Variants in ROBO1 observed in about 807,000 individuals in gnomAD.
ROBO1 encodes roundabout guidance receptor 1.
ROBO1 carries 149 observed loss-of-function variants against 195.9 expected under a neutral mutation model. The ratio of observed to expected loss-of-function variants is 0.76; its 90% CI spans 0.67 to 0.87. ROBO1 has a LOEUF of 0.87. ROBO1 is among the 40% of genes least tolerant of loss of function. ROBO1 has a pLI of 0.00. For synonymous variants in ROBO1, 816 were observed against 733.2 expected, an observed-to-expected ratio of 1.11 and a Z score of -1.82; for missense variants, 1,933 against 2,068.3, an observed-to-expected ratio of 0.93 and a Z score of 1.27.
intron 4 of ROBO1, among the ~76,000 whole-genome samples, chr3:78,874,760 G>C (rs954310158): frequency 9.9e-5 from 15 of 151,758 alleles, no homozygotes; most frequent in Admixed American, 1.3e-4. Context: ...TTCTATAACA[G>C]ATCAAAATCT....
At chr3:78,686,026 C>A in intron 9 of ROBO1, 109 bp from the exon 10 acceptor site, 1 of 887,664 alleles carries the variant, frequency 1.1e-6, no homozygotes, top group Non-Finnish European at 1.7e-6. Flanking sequence ...TAAAAGTATT[C>A]ATACACATAT....
chr3:79,674,837 TGTGTGTGTG>T (rs1946735953), intron 1 of ROBO1, among the ~76,000 whole-genome samples: 3 of 151,106 alleles, frequency 2.0e-5, no homozygotes, highest in South Asian at 4.2e-4. Flanking sequence ...CGTGTGTGTG[TGTGTGTGTG>T]TGTGTGTGTG....
chr3:78,610,843 C>G (rs1444241892), intron 28 of ROBO1, among the ~76,000 whole-genome samples: 1 of 152,094 alleles, frequency 6.6e-6, no homozygotes, highest in Non-Finnish European at 1.5e-5. Context: ...CTTATATAAA[C>G]AGATTGCCAA....
intron 3 of ROBO1, among the ~76,000 whole-genome samples, chr3:79,062,919 T>C (rs1576630116): frequency 1.3e-5 from 2 of 151,418 alleles, no homozygotes; most frequent in South Asian, 4.2e-4. Flanking sequence ...CAACATGGTA[T>C]ATGTATACCT....
intron 2 of ROBO1, among the ~76,000 whole-genome samples, chr3:79,340,161 C>A (rs1223781057): frequency 6.6e-6 from 1 of 152,158 alleles, no homozygotes; most frequent in Non-Finnish European, 1.5e-5. Context: ...CTGGCCTTTC[C>A]CCATCACCTT....
rs569110538 is a variant in ROBO1 at position 79,545,015 on chromosome 3, G to C, written c.88+44809C>G. Among the ~76,000 whole-genome samples, 15 of 152,046 alleles carry C rather than the reference G, an allele frequency of 9.9e-5. No homozygotes were observed. The South Asian group carries it at 3.1e-3, about 32-fold the overall frequency. Reference sequence around the variant, plus strand: ...AACCTCTAAAATGCTATTTGATGATGATTTCTTAGAAATTGATATTTAATA... The same window carrying C: ...AACCTCTAAAATGCTATTTGATGATCATTTCTTAGAAATTGATATTTAATA... On this transcript the variant is annotated intron_variant, in intron 2 of 30. Coordinates refer to ENST00000464233, the MANE Select transcript of ROBO1 (RefSeq NM_002941.4).
chr3:79,584,116 G>A (rs555633605), intron 2 of ROBO1, among the ~76,000 whole-genome samples: 2 of 151,698 alleles, frequency 1.3e-5, no homozygotes, highest in Non-Finnish European at 2.9e-5. Context: ...AATACAGTCT[G>A]TATCATTATT....
At chr3:78,775,634 G>A (rs550949961) in intron 4 of ROBO1, among the ~76,000 whole-genome samples, 11 of 152,232 alleles carry the variant, frequency 7.2e-5, no homozygotes, top group East Asian at 1.9e-4. Context: ...TTTGTTGAGC[G>A]AAAAAATACA....
chr3:79,623,630 C>A (rs933632292), intron 1 of ROBO1, among the ~76,000 whole-genome samples: 50 of 151,912 alleles, frequency 3.3e-4, no homozygotes, highest in Non-Finnish European at 1.5e-4. Context: ...ACAAGACATG[C>A]AGACAAGACT....
At chr3:79,601,154 G>C (rs1025039791) in intron 1 of ROBO1, among the ~76,000 whole-genome samples, 2 of 151,972 alleles carry the variant, frequency 1.3e-5, no homozygotes. Context: ...AAGAACAGTA[G>C]TTGTTGACTG....
chr3:78,598,993 A>G lies in ROBO1; in HGVS notation c.4942-66T>C. ...TAAGAGGATTGTGTTATATTTATTT[A>G]TATGCATTTATTATTATTATAATTT... is the stretch of plus-strand genomic sequence containing the variant. On this transcript the variant is annotated intron_variant, in intron 30 of 30. Transcript: ENST00000464233. The G allele has an allele frequency of 6.7e-6, 6 of 892,806 alleles. No homozygotes were observed. In the South Asian group the frequency reaches 1.2e-4, roughly 17 times the overall value. The allele number at this position is 892,806 out of a possible 1,614,324, so 55.3% of individuals were successfully genotyped here. A position where few individuals can be genotyped will look rare whatever the true frequency, so the allele number is the denominator to read the frequency against.
At chr3:79,056,800 C>G (rs2078818212) in intron 3 of ROBO1, among the ~76,000 whole-genome samples, 1 of 152,056 alleles carries the variant, frequency 6.6e-6, no homozygotes, top group Non-Finnish European at 1.5e-5. Context: ...CACTCCCCTA[C>G]TGGGATAATA....
intron 8 of ROBO1, among the ~76,000 whole-genome samples, chr3:78,696,917 A>G (rs2081310359): frequency 6.6e-6 from 1 of 151,942 alleles, no homozygotes. Flanking sequence ...ATCATTTTTA[A>G]GGGTAAACCA....
chr3:79,606,998 G>A (rs932572942), intron 1 of ROBO1, among the ~76,000 whole-genome samples: 14 of 151,682 alleles, frequency 9.2e-5, no homozygotes, highest in Non-Finnish European at 1.6e-4. Flanking sequence ...TGTCCTTACT[G>A]AGATTTCCGA....
intron 1 of ROBO1, among the ~76,000 whole-genome samples, chr3:79,738,944 AG>A (rs1418011949): frequency 2.0e-5 from 3 of 152,194 alleles, no homozygotes; most frequent in Non-Finnish European, 4.4e-5. Flanking sequence ...TGAAATACTG[AG>A]AAGAATATGA....
chr3:78,756,749 T>C (rs1168411900), intron 4 of ROBO1, among the ~76,000 whole-genome samples: 1 of 152,208 alleles, frequency 6.6e-6, no homozygotes, highest in East Asian at 1.9e-4. Context: ...AGATACTATT[T>C]TACTTTTCCA....
intron 1 of ROBO1, among the ~76,000 whole-genome samples, chr3:79,687,290 T>C (rs987366939): frequency 6.6e-6 from 1 of 151,996 alleles, no homozygotes; most frequent in African/African-American, 2.4e-5. Context: ...ACCTAAGCAT[T>C]ACCATTCAGG....
intron 21 of ROBO1, among the ~76,000 whole-genome samples, chr3:78,640,180 T>G (rs771763630): frequency 6.6e-6 from 1 of 152,184 alleles, no homozygotes; most frequent in Non-Finnish European, 1.5e-5. Context: ...TTAGTCATAA[T>G]GGTTAAAAAT....
chr3:78,841,491 G>C (rs1474472546), intron 4 of ROBO1, among the ~76,000 whole-genome samples: 1 of 152,102 alleles, frequency 6.6e-6, no homozygotes, highest in Non-Finnish European at 1.5e-5. Flanking sequence ...CAGTTACAGT[G>C]CCCAGAATTA....
Sources: gnomAD v4.1 joint callset for allele counts (sites outside exome capture counted in the v4.1 genomes callset) on GRCh38, gnomAD v4.1.1 for gene constraint, MANE v1.5 for transcripts, NCBI Gene and HGNC (gene_info 2026-07-23, HGNC 2026-07-21) for gene names.